AP3S1: variants seen among roughly 807,000 people sequenced by gnomAD.
AP3S1 encodes adaptor related protein complex 3 subunit sigma 1.
In AP3S1, 12 loss-of-function variants were observed where a neutral mutation model predicts 21.3. That is an observed-to-expected ratio of 0.56 (90% confidence interval 0.36 to 0.91). The LOEUF (loss-of-function observed/expected upper bound fraction) is 0.91. Among genes scored for constraint, AP3S1 ranks in the 40% least tolerant of loss-of-function variants. AP3S1 has a pLI of 0.01. For missense variants in AP3S1, 116 were observed against 225.0 expected, an observed-to-expected ratio of 0.52 and a Z score of 3.10; for synonymous variants, 48 against 78.4, an observed-to-expected ratio of 0.61 and a Z score of 2.05.
intron 3 of AP3S1, among the ~76,000 whole-genome samples, chr5:115,876,153 G>A (rs1240114376): frequency 6.6e-6 from 1 of 152,076 alleles, no homozygotes; most frequent in Non-Finnish European, 1.5e-5. Context: ...AACCTCATCT[G>A]TCCCCAGTTT....
intron 1 of AP3S1, among the ~76,000 whole-genome samples, chr5:115,850,204 A>G (rs1353996234): frequency 6.6e-6 from 1 of 152,188 alleles, no homozygotes; most frequent in African/African-American, 2.4e-5. Context: ...GGAAAGGGCT[A>G]TCTTTTAATA....
intron 2 of AP3S1, 116 bp downstream of exon 2, chr5:115,866,877 T>A: frequency 2.1e-6 from 1 of 479,630 alleles, no homozygotes; most frequent in Non-Finnish European, 3.5e-6. Flanking sequence ...TTAGGTGAAT[T>A]AATTGCCACC....
chr5:115,869,992 A>G, intron 2 of AP3S1, 25 bp from the exon 3 acceptor site: 2 of 1,372,260 alleles, frequency 1.5e-6, no homozygotes, highest in Non-Finnish European at 2.0e-6. Flanking sequence ...GTTTCCAATA[A>G]CATTACAATT....
At chr5:115,894,928 ATTC>A (rs1750620156) in intron 3 of AP3S1, among the ~76,000 whole-genome samples, 156 bp from the exon 4 acceptor site, 1 of 152,206 alleles carries the variant, frequency 6.6e-6, no homozygotes, top group South Asian at 2.1e-4. Context: ...GTAGGACTCT[ATTC>A]TTTTTTTACT....
At chr5:115,847,071 T>G (rs1183344393) in intron 1 of AP3S1, among the ~76,000 whole-genome samples, 1 of 152,212 alleles carries the variant, frequency 6.6e-6, no homozygotes, top group Non-Finnish European at 1.5e-5. Context: ...TCTCCTTTGG[T>G]AATCAGTTCA....
intron 1 of AP3S1, 94 bp downstream of exon 1, chr5:115,842,200 C>T: frequency 1.4e-6 from 2 of 1,461,962 alleles, no homozygotes; most frequent in Non-Finnish European, 1.8e-6. Flanking sequence ...CCCTCCGGCG[C>T]GCTGCGGCCC....
At chr5:115,851,498 G>A (rs568105067) in intron 1 of AP3S1, among the ~76,000 whole-genome samples, 13 of 151,918 alleles carry the variant, frequency 8.6e-5, no homozygotes, top group African/African-American at 3.1e-4. Flanking sequence ...TTTGTTTTTT[G>A]AAAATAGCCA....
chr5:115,900,211 A>C (rs1751093654), intron 4 of AP3S1, among the ~76,000 whole-genome samples: 1 of 152,226 alleles, frequency 6.6e-6, no homozygotes, highest in Non-Finnish European at 1.5e-5. Context: ...TTTTCTTTAT[A>C]GTTACCAATT....
rs1257173740 is a variant in AP3S1 at position 115,866,734 on chromosome 5, A to G, written c.134A>G (p.Asn45Ser). The part of the protein sequence containing the change: ...TFHLVSKRDE[N>S]VCNFLEGGLL... The stretch of plus-strand genomic sequence containing the variant: ...CATTTGGTATCTAAGAGAGATGAAA[A>G]TGTTTGTAATTTCCTAGAAGGAGGA... The change falls in exon 2 of 6, where the codon AAT (asparagine) becomes AGT (serine). Residue 45 changes from asparagine to serine, a missense_variant. Coordinates refer to ENST00000316788, the MANE Select transcript of AP3S1 (RefSeq NM_001284.4). 1 of 1,603,866 alleles carries G rather than the reference A, an allele frequency of 6.2e-7. No homozygotes were observed. The highest frequency in any genetic ancestry group is 8.5e-7 in the Non-Finnish European group (1 of 1,173,776).
chr5:115,869,662 AT>A (rs1748045955), intron 2 of AP3S1, among the ~76,000 whole-genome samples: 3 of 152,204 alleles, frequency 2.0e-5, no homozygotes, highest in Admixed American at 2.0e-4. Context: ...CCATCAATAT[AT>A]CATCATTGTA....
chr5:115,894,986 T>G lies in AP3S1; in HGVS notation c.274-101T>G, dbSNP rs1286471648. On this transcript the variant is annotated intron_variant, in intron 3 of 5. Coordinates refer to ENST00000316788, the MANE Select transcript of AP3S1 (RefSeq NM_001284.4). ...TTTTAGTTTGAAAAAGATAAATGTA[T>G]AATACAAAATTTTAGTTCATAATTA... 5 of 716,964 alleles carry G rather than the reference T, an allele frequency of 7.0e-6. No homozygotes were observed. In the Admixed American group the frequency reaches 1.6e-4, roughly 24 times the overall value. 44.4% of individuals were successfully genotyped at this position (716,964 alleles called of 1,614,324 possible).
intron 1 of AP3S1, among the ~76,000 whole-genome samples, chr5:115,854,927 C>A (rs1055169688): frequency 6.6e-6 from 1 of 152,054 alleles, no homozygotes; most frequent in Non-Finnish European, 1.5e-5. Context: ...TTGTACTACT[C>A]TTATGTCAGA....
intron 3 of AP3S1, among the ~76,000 whole-genome samples, chr5:115,878,831 A>T (rs537758963): frequency 2.5e-4 from 38 of 152,328 alleles, no homozygotes; most frequent in Non-Finnish European, 3.8e-4. Flanking sequence ...ATCCATGAGC[A>T]TGGAATGTTT....
At chr5:115,850,719 T>G (rs1277312403) in intron 1 of AP3S1, among the ~76,000 whole-genome samples, 1 of 152,186 alleles carries the variant, frequency 6.6e-6, no homozygotes, top group Non-Finnish European at 1.5e-5. Context: ...CGGAATAATA[T>G]TTCATTGTAT....
intron 3 of AP3S1, among the ~76,000 whole-genome samples, chr5:115,881,025 C>G (rs1270160319): frequency 6.8e-5 from 10 of 146,132 alleles, no homozygotes; most frequent in African/African-American, 2.5e-4. Flanking sequence ...GCAACCCCTG[C>G]TTTTTTTTTT....
At chr5:115,896,084 C>CA (rs747571729) in intron 4 of AP3S1, among the ~76,000 whole-genome samples, 1 of 151,130 alleles carries the variant, frequency 6.6e-6, no homozygotes, top group African/African-American at 2.4e-5. Context: ...AAAATTTTAG[C>CA]AAAAAAAATC....
At chr5:115,904,392 G>T (rs1258957411) in intron 5 of AP3S1, among the ~76,000 whole-genome samples, 1 of 151,996 alleles carries the variant, frequency 6.6e-6, no homozygotes, top group African/African-American at 2.4e-5. Flanking sequence ...GAAAACACAG[G>T]GTGAAGAATA....
At chr5:115,877,373 C>G (rs1748820527) in intron 3 of AP3S1, among the ~76,000 whole-genome samples, 1 of 152,096 alleles carries the variant, frequency 6.6e-6, no homozygotes, top group African/African-American at 2.4e-5. Context: ...CCTGACAAGT[C>G]CCGGTGTGTG....
At chr5:115,910,625 T>C (rs1752024434) in intron 5 of AP3S1, among the ~76,000 whole-genome samples, 1 of 152,182 alleles carries the variant, frequency 6.6e-6, no homozygotes, top group Non-Finnish European at 1.5e-5. Flanking sequence ...GTTTCAGGCA[T>C]CACTTTCATG....
Sources: gnomAD v4.1 joint callset for allele counts (sites outside exome capture counted in the v4.1 genomes callset) on GRCh38, gnomAD v4.1.1 for gene constraint, MANE v1.5 for transcripts, NCBI Gene and HGNC (gene_info 2026-07-23, HGNC 2026-07-21) for gene names.